PDE3B: variants seen among roughly 807,000 people sequenced by gnomAD.
The protein encoded by PDE3B is cGMP-inhibited 3',5'-cyclic phosphodiesterase 3B.
A neutral mutation model predicts 116.8 loss-of-function variants in PDE3B; 66 were observed. That is an observed-to-expected ratio of 0.56 (90% CI 0.46 to 0.69). The LOEUF is 0.69. Ranked by LOEUF, PDE3B falls within the 30% of genes least tolerant of loss-of-function variation. The probability of loss-of-function intolerance (pLI) is 0.00; values close to 1 mark genes in which losing one functional copy is unlikely to be tolerated. For synonymous variants in PDE3B, 595 were observed against 533.6 expected, an observed-to-expected ratio of 1.12 and a Z score of -1.59; for missense variants, 1,384 against 1,368.1, an observed-to-expected ratio of 1.01 and a Z score of -0.18.
rs1334182199 is a variant in PDE3B at position 14,644,590 on chromosome 11, G to T, written c.515G>T (p.Trp172Leu). The change falls in exon 1 of 16, where the codon TGG (tryptophan) becomes TTG (leucine). Residue 172 changes from tryptophan (W) to leucine (L), a missense_variant. Physicochemically the swap from Trp to Leu is moderately conservative, Grantham distance 61. Around this residue, in one of 2 missense-constraint regions of PDE3B, gnomAD observed 956 missense variants for 806.8 expected, o/e 1.18. Transcript: ENST00000282096. ...YLGDFLVWQW[W>L]SWPWGDGDAG... ...GGGGACTTCTTGGTGTGGCAGTGGT[G>T]GTCTTGGCCTTGGGGGGATGGCGAC... 69 of 1,573,988 alleles carry T rather than the reference G, an allele frequency of 4.4e-5. No individual in the cohort carries two copies. The highest frequency in any genetic ancestry group is 5.8e-5 in the Non-Finnish European group (67 of 1,161,178).
chr11:14,755,282 T>C (rs1857154913), intron 1 of PDE3B, among the ~76,000 whole-genome samples: 1 of 152,170 alleles, frequency 6.6e-6, no homozygotes, highest in Non-Finnish European at 1.5e-5. Context: ...AAAATTATAG[T>C]TCTAGCAGCA....
intron 1 of PDE3B, among the ~76,000 whole-genome samples, chr11:14,659,374 T>TA (rs1853817643): frequency 6.6e-6 from 1 of 152,250 alleles, no homozygotes. Flanking sequence ...TTTCAGTGCT[T>TA]AGACTGCACT....
intron 3 of PDE3B, among the ~76,000 whole-genome samples, chr11:14,787,665 A>G (rs1858253674): frequency 1.3e-5 from 2 of 151,882 alleles, no homozygotes; most frequent in Non-Finnish European, 1.5e-5. Context: ...TTTAAAGTTT[A>G]TGCAGTAGCA....
chr11:14,761,298 G>A (rs923255220), intron 1 of PDE3B, among the ~76,000 whole-genome samples: 2 of 152,100 alleles, frequency 1.3e-5, no homozygotes, highest in Non-Finnish European at 2.9e-5. Flanking sequence ...ACCAAAAAGT[G>A]CAATGTTTGG....
chr11:14,645,186 G>A (rs1011639188), intron 1 of PDE3B, 133 bp downstream of exon 1: 2 of 370,200 alleles, frequency 5.4e-6, no homozygotes, highest in East Asian at 6.2e-5. Flanking sequence ...CGGGGGGGGG[G>A]GGGGAGGAAA....
At chr11:14,759,749 A>G (rs1014590177) in intron 1 of PDE3B, among the ~76,000 whole-genome samples, 7 of 151,876 alleles carry the variant, frequency 4.6e-5, no homozygotes, top group Non-Finnish European at 1.0e-4. Context: ...GGGTTTCACC[A>G]TGTTGGCCCA....
At chr11:14,747,553 G>A (rs1279880006) in intron 1 of PDE3B, among the ~76,000 whole-genome samples, 1 of 152,166 alleles carries the variant, frequency 6.6e-6, no homozygotes, top group Non-Finnish European at 1.5e-5. Flanking sequence ...GTTGACTCCA[G>A]GGGATAGGGA....
intron 12 of PDE3B, among the ~76,000 whole-genome samples, chr11:14,855,084 T>A (rs1555005964): frequency 6.6e-6 from 1 of 152,122 alleles, no homozygotes; most frequent in African/African-American, 2.4e-5. Context: ...CAGGAAATTT[T>A]AAAAATTCAA....
At chr11:14,898,925 T>C in the PDE3B span, among the ~76,000 whole-genome samples, 3 of 152,164 alleles carry the variant, frequency 2.0e-5, no homozygotes, top group Non-Finnish European at 4.4e-5. Flanking sequence ...TATATGTCTT[T>C]GTGGTAATGA....
chr11:14,644,129 T>C lies in PDE3B; in HGVS notation c.54T>C (p.Asp18=). ...AKAMRSLQPP[D]GAGSPPESLR... ...CCATGCGGTCCCTGCAGCCGCCGGA[T>C]GGGGCCGGCTCGCCCCCCGAGAGTC... Residue 18 remains aspartate, a synonymous_variant, in exon 1 of 16, where the codon GAT becomes GAC. Coordinates refer to ENST00000282096, the MANE Select transcript of PDE3B (RefSeq NM_000922.4). The C allele has an allele frequency of 6.3e-7, 1 of 1,584,914 alleles. No homozygotes were observed. The highest frequency in any genetic ancestry group is 1.4e-5 in the African/African-American group (1 of 73,570).
At position 14,644,898 on chromosome 11, in the gene PDE3B, C is replaced by T; in HGVS notation, c.823C>T (p.His275Tyr). ...CTTTCAAATCAGGGAAGCGCCTCTT[C>T]ATCCTCGACTGTCCAGTGCCGCCGA... ...HFFQIREAPL[H>Y]PRLSSAAEEK... The change falls in exon 1 of 16, where the codon CAT (histidine) becomes TAT (tyrosine). Residue 275 changes from histidine to tyrosine, a missense_variant. By Grantham distance (83) the His-to-Tyr change is moderately conservative (BLOSUM62 2). This residue lies in a region of PDE3B where 956 missense variants were observed against 806.8 expected (regional missense o/e 1.18). Coordinates refer to ENST00000282096, the MANE Select transcript of PDE3B (RefSeq NM_000922.4). 2.5e-6 allele frequency: 4 copies of T among 1,614,134 alleles called. No individual in the cohort carries two copies. Among genetic ancestry groups the T allele is most frequent in the African/African-American group, 1.3e-5 (1 of 75,056 alleles).
At chr11:14,665,989 A>G (rs1345169539) in intron 1 of PDE3B, among the ~76,000 whole-genome samples, 1 of 152,218 alleles carries the variant, frequency 6.6e-6, no homozygotes, top group Non-Finnish European at 1.5e-5. Flanking sequence ...ATCCAACACC[A>G]AAAGAACAAA....
chr11:14,855,068 T>A (rs2133985994), intron 12 of PDE3B, among the ~76,000 whole-genome samples: 1 of 152,244 alleles, frequency 6.6e-6, no homozygotes, highest in East Asian at 1.9e-4. Context: ...ACTAAAAATA[T>A]TACTGCAGGA....
At chr11:14,803,160 C>T (rs569181455) in intron 4 of PDE3B, among the ~76,000 whole-genome samples, 18 of 151,960 alleles carry the variant, frequency 1.2e-4, no homozygotes, top group African/African-American at 4.1e-4. Flanking sequence ...GCTATGTCTG[C>T]CTAGGTTACA....
intron 2 of PDE3B, chr11:14,774,904 G>A (rs1857740447): frequency 6.6e-6 from 1 of 152,056 alleles, no homozygotes; most frequent in Admixed American, 6.6e-5. Context: ...CTCTGTTCCA[G>A]CTGCACTGGC....
At chr11:14,724,635 C>T (rs1043508346) in intron 1 of PDE3B, among the ~76,000 whole-genome samples, 1 of 152,132 alleles carries the variant, frequency 6.6e-6, no homozygotes, top group Non-Finnish European at 1.5e-5. Context: ...CATTTCAGAT[C>T]AGGATACTCA....
chr11:14,688,140 TCTCC>T (rs1320021675), intron 1 of PDE3B, among the ~76,000 whole-genome samples: 7,197 of 96,846 alleles, frequency 0.074, 133 homozygotes, highest in Middle Eastern at 0.13. Context: ...TCTCTCTCTC[TCTCC>T]CTCCCTCCCT....
intron 7 of PDE3B, among the ~76,000 whole-genome samples, chr11:14,826,268 T>G (rs1174013921): frequency 1.3e-5 from 2 of 151,770 alleles, no homozygotes; most frequent in African/African-American, 4.9e-5. Context: ...ATAGCCAAAA[T>G]CAGAGCTGAA....
intron 1 of PDE3B, among the ~76,000 whole-genome samples, chr11:14,711,785 C>T (rs1033939106): frequency 6.6e-6 from 1 of 152,200 alleles, no homozygotes; most frequent in African/African-American, 2.4e-5. Flanking sequence ...TCAGTGTCAG[C>T]ATTCACTGCT....
Sources: allele counts gnomAD v4.1 joint callset (sites outside exome capture counted in the v4.1 genomes callset), GRCh38; gene constraint gnomAD v4.1.1; regional missense constraint gnomAD v4.1.1; transcripts MANE v1.5; gene names NCBI Gene and HGNC (gene_info 2026-07-23, HGNC 2026-07-21).